Variants in ERBB4 observed in about 807,000 individuals in gnomAD.
ERBB4 encodes the protein erb-b2 receptor tyrosine kinase 4, also known as receptor tyrosine-protein kinase erbB-4.
A neutral mutation model predicts 158.0 loss-of-function variants in ERBB4; 42 were observed. The ratio of observed to expected loss-of-function variants is 0.27; its 90% CI spans 0.21 to 0.34. ERBB4 has a LOEUF of 0.34. Ranked by LOEUF, ERBB4 falls within the 10% of genes least tolerant of loss-of-function variation. The pLI, the probability that ERBB4 is intolerant of heterozygous loss-of-function variation, is 1.00. For missense variants in ERBB4, 1,333 were observed against 1,624.1 expected (o/e 0.82, Z 3.08); for synonymous variants, 583 against 558.7 (o/e 1.04, Z -0.61).
intron 1 of ERBB4, among the ~76,000 whole-genome samples, chr2:212,456,531 C>T (rs1312186481): frequency 6.6e-6 from 1 of 151,078 alleles, no homozygotes; most frequent in Non-Finnish European, 1.5e-5. Flanking sequence ...TTTATAAATA[C>T]CACAATGCTT....
intron 20 of ERBB4, among the ~76,000 whole-genome samples, chr2:211,518,365 A>C (rs530403831): frequency 2.8e-5 from 4 of 143,544 alleles, no homozygotes; most frequent in African/African-American, 1.1e-4. Flanking sequence ...TCTTGGAAAC[A>C]CACTAGGTCA....
chr2:211,378,860 A>C lies in ERBB4; in HGVS notation c.*4755T>G, dbSNP rs560503955. The C allele has an allele frequency of 4.4e-6, 1 of 229,104 alleles. No homozygotes were observed. Among genetic ancestry groups the C allele is most frequent in the South Asian group, 1.9e-4 (1 of 5,228 alleles). 14.2% of individuals were successfully genotyped at this position (229,104 alleles called of 1,614,324 possible). ...CAGTAAGATCCTCTGCCCACAGTAT[A>C]TACAGTAGAAGTTAATTTATCTGTT... On this transcript the variant is annotated 3_prime_UTR_variant, in exon 28 of 28. Transcript: ENST00000342788.
intron 3 of ERBB4, among the ~76,000 whole-genome samples, chr2:211,846,817 G>A (rs904299135): frequency 6.6e-6 from 1 of 152,020 alleles, no homozygotes; most frequent in Non-Finnish European, 1.5e-5. Flanking sequence ...ACAGAACCCT[G>A]AAAAGTTTAA....
chr2:211,419,346 G>A (rs2063463074), intron 25 of ERBB4, among the ~76,000 whole-genome samples: 1 of 151,772 alleles, frequency 6.6e-6, no homozygotes, highest in Non-Finnish European at 1.5e-5. Context: ...AAACACCAGG[G>A]GAATATTACT....
At chr2:212,467,784 G>A (rs890395985) in intron 1 of ERBB4, among the ~76,000 whole-genome samples, 1 of 152,210 alleles carries the variant, frequency 6.6e-6, no homozygotes, top group Admixed American at 6.5e-5. Context: ...CCAGACCCCA[G>A]AATGGTAGAT....
rs535232847 is a variant in ERBB4 at position 211,380,167 on chromosome 2, A to G, written c.*3448T>C. 28 of 232,050 alleles carry G rather than the reference A, an allele frequency of 1.2e-4. No homozygotes were observed. Among genetic ancestry groups the G allele is most frequent in the African/African-American group, 5.1e-4 (23 of 45,370 alleles). 14.4% of individuals were successfully genotyped at this position (232,050 alleles called of 1,614,324 possible). On this transcript the variant is annotated 3_prime_UTR_variant, in exon 28 of 28. Transcript: ENST00000342788. ...CGTTGTTTTTCATGCTATTTTAAGA[A>G]TGTTACTGGAGAAAGGATTCTCATC...
intron 2 of ERBB4, among the ~76,000 whole-genome samples, chr2:212,097,945 G>C (rs1227713474): frequency 6.6e-6 from 1 of 152,134 alleles, no homozygotes; most frequent in African/African-American, 2.4e-5. Context: ...GAACATATTA[G>C]ATAGAAAGTA....
chr2:211,614,832 C>A (rs1851190), intron 19 of ERBB4, among the ~76,000 whole-genome samples: 158 of 152,078 alleles, frequency 1.0e-3, no homozygotes, highest in African/African-American at 3.3e-3. Flanking sequence ...GAGAAACATA[C>A]AAAGACTATT....
chr2:211,624,206 C>A (rs938534016), intron 17 of ERBB4, among the ~76,000 whole-genome samples, 162 bp from the exon 18 acceptor site: 8 of 152,122 alleles, frequency 5.3e-5, no homozygotes, highest in African/African-American at 1.9e-4. Flanking sequence ...CACCACTCAC[C>A]ATTCACTGAC....
chr2:212,494,412 GATTAAT>G (rs1690446834), intron 1 of ERBB4, among the ~76,000 whole-genome samples: 2 of 151,908 alleles, frequency 1.3e-5, no homozygotes, highest in South Asian at 4.1e-4. Context: ...ATTGACCTGG[GATTAAT>G]ATTAAAATAG....
intron 1 of ERBB4, among the ~76,000 whole-genome samples, chr2:212,387,682 T>C (rs2090724179): frequency 6.6e-6 from 1 of 152,124 alleles, no homozygotes; most frequent in Non-Finnish European, 1.5e-5. Context: ...CCTCCCAAAG[T>C]GCTGGGATTA....
intron 19 of ERBB4, among the ~76,000 whole-genome samples, chr2:211,614,581 C>T (rs1379531338): frequency 6.6e-6 from 1 of 151,888 alleles, no homozygotes; most frequent in East Asian, 1.9e-4. Flanking sequence ...ATAAAAAATC[C>T]ACTATTAGTA....
chr2:211,487,846 T>C (rs1321882871), intron 20 of ERBB4, among the ~76,000 whole-genome samples: 1 of 151,988 alleles, frequency 6.6e-6, no homozygotes, highest in African/African-American at 2.4e-5. Flanking sequence ...CCAGAGTAAT[T>C]AGCTGGTGTA....
intron 1 of ERBB4, among the ~76,000 whole-genome samples, chr2:212,389,433 A>T (rs1244776755): frequency 1.3e-5 from 2 of 152,030 alleles, no homozygotes. Context: ...ATCAAAAGCA[A>T]AACTACATCT....
chr2:212,461,041 G>A (rs753106483), intron 1 of ERBB4, among the ~76,000 whole-genome samples: 5 of 152,194 alleles, frequency 3.3e-5, no homozygotes, highest in Non-Finnish European at 7.3e-5. Flanking sequence ...GGAAACTCCT[G>A]GATGTCGAGG....
intron 1 of ERBB4, among the ~76,000 whole-genome samples, chr2:212,395,599 GCAAA>G (rs1218308099): frequency 1.4e-5 from 2 of 145,796 alleles, no homozygotes; most frequent in East Asian, 4.1e-4. Context: ...GGACAGAATA[GCAAA>G]CAGTTACACT....
At chr2:211,424,545 G>GT (rs1295032841) in intron 22 of ERBB4, among the ~76,000 whole-genome samples, 1 of 152,012 alleles carries the variant, frequency 6.6e-6, no homozygotes, top group East Asian at 1.9e-4. Context: ...ACAATTTACA[G>GT]TGGATGTCAG....
intron 1 of ERBB4, among the ~76,000 whole-genome samples, chr2:212,274,541 A>C (rs2085456233): frequency 6.6e-6 from 1 of 151,894 alleles, no homozygotes; most frequent in African/African-American, 2.4e-5. Flanking sequence ...ACAGTAATTC[A>C]GTATGTAATG....
chr2:211,591,651 A>G (rs2068468330), intron 19 of ERBB4, among the ~76,000 whole-genome samples: 1 of 152,226 alleles, frequency 6.6e-6, no homozygotes, highest in Non-Finnish European at 1.5e-5. Context: ...CACTAACTGC[A>G]CTAGTGGTTC....
Sources: allele counts gnomAD v4.1 joint callset (sites outside exome capture counted in the v4.1 genomes callset), GRCh38; gene constraint gnomAD v4.1.1; transcripts MANE v1.5; gene names NCBI Gene and HGNC (gene_info 2026-07-23, HGNC 2026-07-21).